The following FBXL17 variants were observed in gnomAD, a reference collection of about 807,000 sequenced individuals.
FBXL17 encodes the protein F-box/LRR-repeat protein 17.
A neutral mutation model predicts 66.2 loss-of-function variants in FBXL17; 22 were observed. That is an observed-to-expected ratio of 0.33 (90% CI 0.24 to 0.47). The LOEUF is 0.47. Among genes scored for constraint, FBXL17 ranks in the 20% least tolerant of loss-of-function variants. The pLI is 1.00. For synonymous variants in FBXL17, 474 were observed against 400.5 expected (o/e 1.18, Z -2.19); for missense variants, 878 against 948.2 (o/e 0.93, Z 0.97).
chr5:108,264,210 T>C (rs1264548742), intron 4 of FBXL17, among the ~76,000 whole-genome samples: 2 of 102,750 alleles, frequency 1.9e-5, no homozygotes, highest in Admixed American at 1.9e-4. Context: ...GTGAGACTCT[T>C]TCTCAAAAAA....
chr5:108,151,037 CT>C (rs1045509997), intron 6 of FBXL17, among the ~76,000 whole-genome samples: 1 of 152,116 alleles, frequency 6.6e-6, no homozygotes, highest in African/African-American at 2.4e-5. Flanking sequence ...TCTCAGAATG[CT>C]TACTTAAGTA....
intron 6 of FBXL17, among the ~76,000 whole-genome samples, chr5:108,059,172 G>A (rs1022105763): frequency 2.6e-5 from 4 of 152,214 alleles, no homozygotes; most frequent in Admixed American, 2.6e-4. Flanking sequence ...AATAATCTGA[G>A]TATGGACTGC....
At chr5:108,198,572 A>C (rs989767594) in intron 5 of FBXL17, among the ~76,000 whole-genome samples, 2 of 152,184 alleles carry the variant, frequency 1.3e-5, no homozygotes, top group East Asian at 3.9e-4. Context: ...GAAAAATCTT[A>C]GAAGAGTCAA....
At chr5:108,087,892 T>G (rs1749031882) in intron 6 of FBXL17, among the ~76,000 whole-genome samples, 1 of 152,206 alleles carries the variant, frequency 6.6e-6, no homozygotes, top group South Asian at 2.1e-4. Flanking sequence ...TACTTAAAAT[T>G]GAAAAGGCTT....
intron 4 of FBXL17, among the ~76,000 whole-genome samples, chr5:108,224,526 T>TACAC (rs1491266843): frequency 2.4e-5 from 3 of 123,570 alleles, no homozygotes; most frequent in Admixed American, 8.3e-5. Context: ...TATGTATATG[T>TACAC]ATACACACAC....
intron 4 of FBXL17, among the ~76,000 whole-genome samples, chr5:108,346,738 G>A (rs542700553): frequency 6.6e-5 from 10 of 152,028 alleles, no homozygotes; most frequent in Admixed American, 1.3e-4. Flanking sequence ...TCATTTAATC[G>A]TCAAAACTAT....
At chr5:108,206,764 A>G (rs777343574) in intron 5 of FBXL17, among the ~76,000 whole-genome samples, 1 of 152,198 alleles carries the variant, frequency 6.6e-6, no homozygotes, top group African/African-American at 2.4e-5. Context: ...GTTTATACAT[A>G]CACCAACTGA....
intron 6 of FBXL17, among the ~76,000 whole-genome samples, chr5:108,136,551 G>C (rs1751142649): frequency 1.3e-5 from 2 of 152,114 alleles, no homozygotes; most frequent in Admixed American, 1.3e-4. Flanking sequence ...AGAAATAGCT[G>C]AATAGCTTCT....
intron 7 of FBXL17, among the ~76,000 whole-genome samples, chr5:107,897,251 T>A (rs1561521984): frequency 6.6e-6 from 1 of 152,146 alleles, no homozygotes; most frequent in Non-Finnish European, 1.5e-5. Context: ...CCACAAAAAA[T>A]TTTATTAGTA....
At chr5:108,095,633 T>C (rs1380606076) in intron 6 of FBXL17, among the ~76,000 whole-genome samples, 2 of 152,112 alleles carry the variant, frequency 1.3e-5, no homozygotes, top group African/African-American at 2.4e-5. Context: ...ATTTGGTGTA[T>C]TAGGAACATA....
At chr5:108,157,041 A>C (rs569996225) in intron 6 of FBXL17, among the ~76,000 whole-genome samples, 1 of 151,926 alleles carries the variant, frequency 6.6e-6, no homozygotes, top group Non-Finnish European at 1.5e-5. Flanking sequence ...AATTTCAATA[A>C]ATCTATTTTA....
chr5:108,200,631 A>G lies in FBXL17; in HGVS notation c.1615-14384T>C, dbSNP rs1017204047. Among the ~76,000 whole-genome samples the G allele has an allele frequency of 6.6e-5, 10 of 152,024 alleles. 1 individual carries two copies. Among genetic ancestry groups the G allele is most frequent in the Admixed American group, 5.9e-4 (9 of 15,246 alleles). ...TCAAAAGGGCCTCTGATAAAACACA[A>G]TAACCAAGCATTTCCTCTGGTGAAT... is the stretch of plus-strand genomic sequence containing the variant. On this transcript the variant is annotated intron_variant, in intron 5 of 8. Coordinates refer to ENST00000542267, the MANE Select transcript of FBXL17 (RefSeq NM_001163315.3).
intron 6 of FBXL17, among the ~76,000 whole-genome samples, chr5:108,157,522 G>A (rs1488436866): frequency 2.7e-5 from 4 of 149,646 alleles, no homozygotes; most frequent in South Asian, 2.1e-4. Context: ...TGTATTCTAC[G>A]AACAGTTTTA....
chr5:108,302,022 A>T, intron 4 of FBXL17: 6 of 984,994 alleles, frequency 6.1e-6, no homozygotes, highest in Non-Finnish European at 6.0e-6. Flanking sequence ...TCGTGATTGG[A>T]ATATGACATT....
At chr5:107,891,254 C>T (rs1487076446) in intron 7 of FBXL17, among the ~76,000 whole-genome samples, 1 of 151,958 alleles carries the variant, frequency 6.6e-6, no homozygotes, top group Non-Finnish European at 1.5e-5. Context: ...GATGGAGTGC[C>T]GTTGAGATGA....
At chr5:108,149,769 C>G (rs1006437944) in intron 6 of FBXL17, among the ~76,000 whole-genome samples, 21 of 152,112 alleles carry the variant, frequency 1.4e-4, no homozygotes, top group African/African-American at 4.6e-4. Flanking sequence ...AGTCCATGTT[C>G]TCTCTCTGTG....
intron 5 of FBXL17, among the ~76,000 whole-genome samples, chr5:108,210,958 A>G (rs570202365): frequency 6.6e-6 from 1 of 152,252 alleles, no homozygotes; most frequent in South Asian, 2.1e-4. Context: ...GTCTCCTTGT[A>G]GGTCTCTAAG....
intron 2 of FBXL17, among the ~76,000 whole-genome samples, chr5:108,367,146 A>G (rs1206161637): frequency 6.6e-6 from 1 of 152,134 alleles, no homozygotes; most frequent in Admixed American, 6.6e-5. Context: ...ATAAAATGCT[A>G]TTCTTATTGA....
At chr5:108,185,403 T>G (rs569962271) in intron 6 of FBXL17, among the ~76,000 whole-genome samples, 1 of 152,220 alleles carries the variant, frequency 6.6e-6, no homozygotes, top group Admixed American at 6.5e-5. Context: ...CTTCACTCTT[T>G]TCCTTCCTTC....
Sources: allele counts gnomAD v4.1 joint callset (sites outside exome capture counted in the v4.1 genomes callset), GRCh38; gene constraint gnomAD v4.1.1; transcripts MANE v1.5; gene names NCBI Gene and HGNC (gene_info 2026-07-23, HGNC 2026-07-21).